Variants in KLHL4 observed in about 807,000 individuals in gnomAD.
The protein encoded by KLHL4 is kelch-like protein 4.
A neutral mutation model predicts 45.8 loss-of-function variants in KLHL4; 17 were observed. That is an observed-to-expected ratio of 0.37 (90% CI 0.25 to 0.56). The LOEUF (loss-of-function observed/expected upper bound fraction) is 0.56. Ranked by LOEUF, KLHL4 falls within the 20% of genes least tolerant of loss-of-function variation. KLHL4 has a pLI of 0.79. For synonymous variants in KLHL4, 224 were observed against 189.9 expected, an observed-to-expected ratio of 1.18 and a Z score of -1.47; for missense variants, 544 against 544.9, an observed-to-expected ratio of 1.00 and a Z score of 0.02.
intron 8 of KLHL4, among the ~76,000 whole-genome samples, chrX:87,635,051 G>GA (rs929203052): frequency 1.8e-5 from 2 of 111,521 alleles, no homozygotes; most frequent in Non-Finnish European, 3.8e-5. Flanking sequence ...ACTTACGAGG[G>GA]AAAAAAATCT....
At chrX:87,663,320 G>C (rs1369416192) in intron 9 of KLHL4, among the ~76,000 whole-genome samples, 1 of 111,997 alleles carries the variant, frequency 8.9e-6, no homozygotes, top group Non-Finnish European at 1.9e-5. Flanking sequence ...AGAAAGAGAA[G>C]TAATGCTATT....
chrX:87,650,109 A>AT (rs908289675), intron 9 of KLHL4, among the ~76,000 whole-genome samples: 3 of 110,135 alleles, frequency 2.7e-5, no homozygotes, highest in Non-Finnish European at 5.7e-5. Flanking sequence ...GTATTGATAT[A>AT]TTTTTTTTAA....
intron 1 of KLHL4, among the ~76,000 whole-genome samples, chrX:87,609,283 G>T (rs138855019): frequency 0.014 from 1,594 of 112,004 alleles, 16 homozygotes; most frequent in Non-Finnish European, 0.018. Flanking sequence ...CCAGTAATGG[G>T]ATGGCTGGGT....
At chrX:87,643,085 C>T (rs1478856111) in intron 9 of KLHL4, among the ~76,000 whole-genome samples, 3 of 111,152 alleles carry the variant, frequency 2.7e-5, no homozygotes, top group Non-Finnish European at 5.7e-5. Flanking sequence ...CAGAGCAGAA[C>T]TAAATGAAAT....
intron 1 of KLHL4, among the ~76,000 whole-genome samples, chrX:87,590,875 T>G (rs779730546): frequency 8.9e-6 from 1 of 112,064 alleles, no homozygotes; most frequent in Non-Finnish European, 1.9e-5. Context: ...TACACCATAT[T>G]TTCTTCATTC....
chrX:87,606,040 G>T lies in KLHL4; in HGVS notation c.423-7837G>T, dbSNP rs181595957. Among the ~76,000 whole-genome samples, 125 of 110,949 alleles carry T rather than the reference G, an allele frequency of 1.1e-3. 2 individuals are homozygous for T. The South Asian group carries it at 0.046, about 41-fold the overall frequency. On this transcript the variant is annotated intron_variant, in intron 1 of 10. Coordinates refer to ENST00000373119, the MANE Select transcript of KLHL4 (RefSeq NM_019117.5). ...TGCGGTGTATCAAATATATTAATTT[G>T]CATATGGTGAACTCTCCTTGCATCC...
chrX:87,666,424 A>G (rs755301597), intron 10 of KLHL4, 51 bp from the exon 11 acceptor site: 3 of 1,118,936 alleles, frequency 2.7e-6, no homozygotes, highest in Non-Finnish European at 3.6e-6. Flanking sequence ...ATTTTATATT[A>G]TGCTGAAATC....
intron 9 of KLHL4, among the ~76,000 whole-genome samples, chrX:87,656,674 T>A (rs1924000868): frequency 9.0e-6 from 1 of 110,766 alleles, no homozygotes; most frequent in South Asian, 3.8e-4. Context: ...TATTTTGAAT[T>A]ATTTATCTGA....
chrX:87,598,840 A>T (rs1921920586), intron 1 of KLHL4, among the ~76,000 whole-genome samples: 1 of 110,956 alleles, frequency 9.0e-6, no homozygotes, highest in South Asian at 3.7e-4. Context: ...TTTCCATCAG[A>T]AGACTAGAAA....
In KLHL4 at chrX:87,664,935, G is replaced by A; in HGVS notation, c.2097G>A (p.Glu699=). The A allele has an allele frequency of 9.1e-7, 1 of 1,102,626 alleles. No individual in the cohort carries two copies. The highest frequency in any genetic ancestry group is 1.2e-6 in the Non-Finnish European group (1 of 812,696). The allele number at this position is 1,102,626 out of a possible 1,213,427, so 90.9% of individuals were successfully genotyped here. Residue 699 remains glutamate (E), a splice_region_variant and synonymous_variant, in exon 10 of 11, where the codon GAG becomes GAA. Coordinates refer to ENST00000373119, the MANE Select transcript of KLHL4 (RefSeq NM_019117.5). ...SYDAQRNEWK[E]EVPVNIGRAG... ...ATGCACAGAGAAATGAATGGAAAGA[G>A]GTATTCGAATTAAAATATTCAAATT...
intron 1 of KLHL4, among the ~76,000 whole-genome samples, chrX:87,591,482 A>C (rs1401410291): frequency 9.0e-6 from 1 of 111,311 alleles, no homozygotes; most frequent in Non-Finnish European, 1.9e-5. Flanking sequence ...TCTTACATCC[A>C]TTTTTTTAGT....
At chrX:87,568,593 T>G (rs72634509) in intron 1 of KLHL4, among the ~76,000 whole-genome samples, 24,063 of 109,182 alleles carry the variant, frequency 0.22, 2,047 homozygotes, top group Non-Finnish European at 0.26. Flanking sequence ...AGTACTTTCA[T>G]AAGGATAAAA....
chrX:87,656,507 C>T (rs141149246), intron 9 of KLHL4, among the ~76,000 whole-genome samples: 5,446 of 108,057 alleles, frequency 0.05, 368 homozygotes, highest in African/African-American at 0.17. Flanking sequence ...GTAATTCCTT[C>T]AATGAATTTT....
rs1470044529 is a variant in KLHL4 at position 87,666,916 on chromosome X, T to A, written c.*382T>A. ...TAAAAGTTAAAAACATTTTCAGTTT[T>A]TTTTTAAAAAACGTACTCTTATTAT... On this transcript the variant is annotated 3_prime_UTR_variant, in exon 11 of 11. Transcript: ENST00000373119. 19 of 709,305 alleles carry A rather than the reference T, an allele frequency of 2.7e-5. No individual in the cohort carries two copies. Among genetic ancestry groups the A allele is most frequent in the Non-Finnish European group, 3.2e-5 (19 of 599,024 alleles). 58.5% of individuals were successfully genotyped at this position (709,305 alleles called of 1,213,427 possible). A position where few individuals can be genotyped will look rare whatever the true frequency, so the allele number is the denominator to read the frequency against.
In KLHL4 at chrX:87,667,895, T is replaced by G; in HGVS notation, c.*1361T>G. On this transcript the variant is annotated 3_prime_UTR_variant, in exon 11 of 11. Coordinates refer to ENST00000373119, the MANE Select transcript of KLHL4 (RefSeq NM_019117.5). ...GTAAGTTGTACAAAGATATTTGTACTTTGACAAACTGAATTTAAATAAACT... is the reference window on the plus strand; with the variant it reads ...GTAAGTTGTACAAAGATATTTGTACGTTGACAAACTGAATTTAAATAAACT... 1.5e-6 allele frequency: 1 copy of G among 679,565 alleles called. No homozygotes were observed. Among genetic ancestry groups the G allele is most frequent in the African/African-American group, 2.4e-5 (1 of 42,407 alleles). 56.0% of individuals were successfully genotyped at this position (679,565 alleles called of 1,213,427 possible). A position where few individuals can be genotyped will look rare whatever the true frequency, so the allele number is the denominator to read the frequency against.
At chrX:87,625,589 C>T (rs927337929) in intron 5 of KLHL4, 21 bp from the exon 6 acceptor site, 3 of 1,157,625 alleles carry the variant, frequency 2.6e-6, no homozygotes, top group Non-Finnish European at 3.5e-6. Context: ...CATTCATATA[C>T]CATGCATCAC....
intron 9 of KLHL4, among the ~76,000 whole-genome samples, chrX:87,652,082 G>A (rs1203745033): frequency 5.3e-5 from 6 of 112,486 alleles, no homozygotes; most frequent in Admixed American, 2.8e-4. Context: ...CAGGGCTTGG[G>A]GCTTGCACCC....
intron 4 of KLHL4, among the ~76,000 whole-genome samples, chrX:87,619,200 G>A (rs996026307): frequency 9.0e-6 from 1 of 111,687 alleles, no homozygotes; most frequent in Non-Finnish European, 1.9e-5. Context: ...GCATACAAGT[G>A]AACAATAGAA....
At chrX:87,604,776 G>C (rs998722391) in intron 1 of KLHL4, among the ~76,000 whole-genome samples, 18 of 111,217 alleles carry the variant, frequency 1.6e-4, no homozygotes, top group Non-Finnish European at 3.2e-4. Flanking sequence ...GTTTGATGTA[G>C]TTCATTTTGT....
Sources: gnomAD v4.1 joint callset for allele counts (sites outside exome capture counted in the v4.1 genomes callset) on GRCh38, gnomAD v4.1.1 for gene constraint, MANE v1.5 for transcripts, NCBI Gene and HGNC (gene_info 2026-07-23, HGNC 2026-07-21) for gene names.